The following ANO4 variants were observed in gnomAD, a reference collection of about 807,000 sequenced individuals.
ANO4 encodes anoctamin 4, also known as anoctamin-4.
ANO4 carries 69 observed loss-of-function variants against 141.9 expected under a neutral mutation model. The observed-to-expected ratio is 0.49, with a 90% confidence interval of 0.40 to 0.59. The LOEUF (loss-of-function observed/expected upper bound fraction) is 0.59. Ranked by LOEUF, ANO4 falls within the 20% of genes least tolerant of loss-of-function variation. ANO4 has a pLI of 0.00. For missense variants in ANO4, 894 were observed against 1,162.2 expected (o/e 0.77, Z 3.36); for synonymous variants, 350 against 394.3 (o/e 0.89, Z 1.33).
chr12:100,804,044 A>C (rs2034850516), intron 1 of ANO4, among the ~76,000 whole-genome samples: 1 of 151,968 alleles, frequency 6.6e-6, no homozygotes, highest in African/African-American at 2.4e-5. Flanking sequence ...TGCTGCCCAG[A>C]TCAACCCACC....
intron 1 of ANO4, among the ~76,000 whole-genome samples, chr12:100,880,857 A>T (rs372222988): frequency 9.9e-5 from 15 of 152,188 alleles, no homozygotes; most frequent in African/African-American, 3.1e-4. Context: ...CTATGCATGG[A>T]CCATTGGCTC....
In ANO4 at chr12:101,083,838, AT is replaced by A. The variant is rs1222580734; in HGVS notation, c.1536+21del. 3.3e-6 allele frequency: 5 copies of A among 1,537,068 alleles called. No individual in the cohort carries two copies. The highest frequency in any genetic ancestry group is 2.4e-5 in the Admixed American group (1 of 41,620). ...TTTATGGTTTGAAACTTTTAAAAAA[AT>A]ATTTGTTTCATAAAATACAAACCTA... On this transcript the variant is annotated intron_variant, in intron 16 of 27. Coordinates refer to ENST00000392977, the MANE Select transcript of ANO4 (RefSeq NM_001286615.2).
At chr12:100,844,667 G>A (rs1256820098) in intron 1 of ANO4, among the ~76,000 whole-genome samples, 1 of 152,096 alleles carries the variant, frequency 6.6e-6, no homozygotes, top group Non-Finnish European at 1.5e-5. Context: ...AAATTAGAAA[G>A]GTAGAGGAGC....
chr12:100,740,023 G>T, exon 3 of ANO4: 2 of 702,554 alleles, frequency 2.8e-6, no homozygotes, highest in Non-Finnish European at 2.6e-6. Flanking sequence ...CCACACCTTT[G>T]TCCTGTCCAG....
In ANO4 at chr12:100,903,067, G is replaced by A. The variant is rs192423350; in HGVS notation, c.55+1227G>A. Among the ~76,000 whole-genome samples the A allele has an allele frequency of 2.7e-3, 407 of 152,192 alleles. 3 individuals are homozygous for A. Among genetic ancestry groups the A allele is most frequent in the Non-Finnish European group, 5.1e-3 (347 of 68,016 alleles). The stretch of plus-strand genomic sequence containing the variant: ...CTCCTCCCTTCCAAGCCAAACTTCT[G>A]AAAATAATAATTTACTTTTGATTGC... On this transcript the variant is annotated intron_variant, in intron 2 of 27. Transcript: ENST00000392977.
chr12:100,751,955 A>G (rs1158389124), intron 3 of ANO4, among the ~76,000 whole-genome samples: 1 of 152,214 alleles, frequency 6.6e-6, no homozygotes, highest in Admixed American at 6.5e-5. Flanking sequence ...AATAGGAGAC[A>G]AAGACCTGGC....
At position 101,097,946 on chromosome 12, in the gene ANO4, G is replaced by A. The variant is rs370149306; in HGVS notation, c.2006+1G>A. On this transcript the variant is annotated splice_donor_variant, in intron 21 of 27. Coordinates refer to ENST00000392977, the MANE Select transcript of ANO4 (RefSeq NM_001286615.2). LOFTEE classifies it high-confidence loss of function. Reference sequence around the variant, plus strand: ...ATAATTTCATGGAACTTGGCTACCCGTAAGTACCTTAGTATCAATAATTGA... The same window carrying A: ...ATAATTTCATGGAACTTGGCTACCCATAAGTACCTTAGTATCAATAATTGA... 1.9e-6 allele frequency: 3 copies of A among 1,611,250 alleles called. No homozygotes were observed. The highest frequency in any genetic ancestry group is 2.5e-6 in the Non-Finnish European group (3 of 1,177,736).
intron 3 of ANO4, among the ~76,000 whole-genome samples, chr12:100,777,410 T>C (rs1048463128): frequency 2.0e-5 from 3 of 149,456 alleles, no homozygotes; most frequent in Admixed American, 6.7e-5. Flanking sequence ...TGAGCCACCA[T>C]GCCCAGCCCA....
At chr12:101,096,461 G>A (rs891431858) in intron 18 of ANO4, 75 bp from the exon 19 acceptor site, 1 of 1,181,556 alleles carries the variant, frequency 8.5e-7, no homozygotes, top group Non-Finnish European at 1.3e-6. Flanking sequence ...CCCTGTGTGT[G>A]TGGGGAGGGA....
intron 12 of ANO4, among the ~76,000 whole-genome samples, chr12:101,043,012 A>T (rs2047470757): frequency 6.6e-6 from 1 of 152,216 alleles, no homozygotes; most frequent in South Asian, 2.1e-4. Context: ...TGTGATTGCA[A>T]AAATAAAAGT....
chr12:100,939,649 C>A (rs2042426578), intron 4 of ANO4, among the ~76,000 whole-genome samples, 198 bp downstream of exon 4: 1 of 152,176 alleles, frequency 6.6e-6, no homozygotes, highest in Admixed American at 6.5e-5. Flanking sequence ...ATACACAAAA[C>A]AAAGTTTCAG....
chr12:100,746,612 C>T (rs1325925736), intron 3 of ANO4, among the ~76,000 whole-genome samples: 1 of 152,146 alleles, frequency 6.6e-6, no homozygotes, highest in African/African-American at 2.4e-5. Flanking sequence ...TTTTGGTTGA[C>T]ACAACTTGGC....
rs1031977124 is a variant in ANO4, at chr12:100,787,285, A to G, written c.358+47180A>G. Reference sequence around the variant, plus strand: ...CTTGGGTGGTCCTTGGAGAATAAATAAGGATTCACAGGAGGAGGGCAGGGA... The same window carrying G: ...CTTGGGTGGTCCTTGGAGAATAAATGAGGATTCACAGGAGGAGGGCAGGGA... On this transcript the variant is annotated intron_variant, in intron 3 of 29. Transcript: ENST00000644049. 4.6e-5 allele frequency among the ~76,000 whole-genome samples: 7 copies of G among 152,316 alleles called. No individual in the cohort carries two copies. The South Asian group carries it at 6.2e-4, about 14-fold the overall frequency.
intron 1 of ANO4, among the ~76,000 whole-genome samples, chr12:100,866,855 C>T (rs1329626330): frequency 6.6e-6 from 1 of 152,122 alleles, no homozygotes; most frequent in Non-Finnish European, 1.5e-5. Context: ...ATACGTTATA[C>T]AAAATACTGT....
At chr12:101,039,074 A>G (rs992362679) in intron 10 of ANO4, 1 of 152,158 alleles carries the variant, frequency 6.6e-6, no homozygotes, top group African/African-American at 2.4e-5. Flanking sequence ...CACTTCTTCA[A>G]TGAGGAGGTT....
At chr12:100,766,690 C>T (rs2033097580) in intron 3 of ANO4, among the ~76,000 whole-genome samples, 1 of 152,226 alleles carries the variant, frequency 6.6e-6, no homozygotes, top group South Asian at 2.1e-4. Flanking sequence ...GTTCCATCTG[C>T]ACCTAAAAGA....
At chr12:100,720,969 T>C (rs2030837809) in intron 1 of ANO4, among the ~76,000 whole-genome samples, 1 of 152,204 alleles carries the variant, frequency 6.6e-6, no homozygotes, top group Non-Finnish European at 1.5e-5. Context: ...AACTGTGGAA[T>C]GTGGGAATCA....
chr12:101,062,943 T>C (rs980338515), intron 14 of ANO4, among the ~76,000 whole-genome samples: 4 of 152,160 alleles, frequency 2.6e-5, no homozygotes, highest in African/African-American at 9.6e-5. Flanking sequence ...GAAAAATAAT[T>C]CCTACAACTA....
At chr12:101,099,545 C>T in intron 21 of ANO4, 33 bp from the exon 22 acceptor site, 1 of 1,559,278 alleles carries the variant, frequency 6.4e-7, no homozygotes, top group Non-Finnish European at 8.6e-7. Context: ...TGATCAGTTA[C>T]ATTTTTTGTA....
Sources: gnomAD v4.1 joint callset for allele counts (sites outside exome capture counted in the v4.1 genomes callset) on GRCh38, gnomAD v4.1.1 for gene constraint, MANE v1.5 for transcripts, NCBI Gene and HGNC (gene_info 2026-07-23, HGNC 2026-07-21) for gene names.